HSPA9: variants seen among roughly 807,000 people sequenced by gnomAD.
The protein encoded by HSPA9 is stress-70 protein, mitochondrial.
HSPA9 carries 28 observed loss-of-function variants against 81.5 expected under a neutral mutation model. The ratio of observed to expected loss-of-function variants is 0.34; its 90% CI spans 0.25 to 0.47. The LOEUF (loss-of-function observed/expected upper bound fraction) is 0.47. Among genes scored for constraint, HSPA9 ranks in the 20% least tolerant of loss-of-function variants. HSPA9 has a pLI of 1.00. For missense variants in HSPA9, 678 were observed against 838.0 expected (o/e 0.81, Z 2.36); for synonymous variants, 293 against 290.4 (o/e 1.01, Z -0.09).
intron 3 of HSPA9, among the ~76,000 whole-genome samples, chr5:138,572,137 C>A (rs1366594428): frequency 6.6e-6 from 1 of 151,796 alleles, no homozygotes; most frequent in Non-Finnish European, 1.5e-5. Context: ...TTTGTAGAGA[C>A]AGTGTTTTGC....
Position 138,557,423 on chromosome 5 carries a change from A to G in HSPA9, c.1707T>C (p.Ala569=). 4 of 1,609,152 alleles carry G rather than the reference A, an allele frequency of 2.5e-6. No homozygotes were observed. The highest frequency in any genetic ancestry group is 2.2e-5 in the South Asian group (2 of 90,670). ...TCACCTTCTTTCGCCGGTCTTCTTCAGCATATTTCTCTGCATTTTTAACCA... is the reference window on the plus strand; with the variant it reads ...TCACCTTCTTTCGCCGGTCTTCTTCGGCATATTTCTCTGCATTTTTAACCA... ...ENMVKNAEKY[A]EEDRRKKERV... is the part of the protein sequence containing the mutation. Residue 569 remains alanine (A), a synonymous_variant, in exon 14 of 17, where the codon GCT becomes GCC. Transcript: ENST00000297185.
In HSPA9 at chr5:138,555,960, G is replaced by T; in HGVS notation, c.*77C>A. The stretch of plus-strand genomic sequence containing the variant: ...AAACACAGTAAAAAGACTGAAGTTC[G>T]CCCATTTCTGCTCAGGAAGTCTCTT... On this transcript the variant is annotated 3_prime_UTR_variant, in exon 17 of 17. Transcript: ENST00000297185. 1.0e-6 allele frequency: 1 copy of T among 997,632 alleles called. No individual in the cohort carries two copies. Among genetic ancestry groups the T allele is most frequent in the Non-Finnish European group, 1.6e-6 (1 of 623,028 alleles). The allele number at this position is 997,632 out of a possible 1,614,324, so 61.8% of individuals were successfully genotyped here.
intron 4 of HSPA9, 127 bp from the exon 5 acceptor site, chr5:138,569,176 G>C: frequency 1.2e-6 from 1 of 849,856 alleles, no homozygotes; most frequent in Non-Finnish European, 1.9e-6. Flanking sequence ...ATGACAGTTT[G>C]TGAAATTCTT....
chr5:138,566,982 A>G lies in HSPA9; in HGVS notation c.879+19T>C. 1 of 1,610,782 alleles carries G rather than the reference A, an allele frequency of 6.2e-7. No individual in the cohort carries two copies. Among genetic ancestry groups the G allele is most frequent in the Non-Finnish European group, 8.5e-7 (1 of 1,178,370 alleles). On this transcript the variant is annotated intron_variant, in intron 8 of 16. Transcript: ENST00000297185. ...CTCAATATCCCAACGTCTACATATT[A>G]ACCACATTGGTAACTCACCTCTCTC...
At chr5:138,559,811 T>G in intron 11 of HSPA9, 53 bp downstream of exon 11, 2 of 1,194,102 alleles carry the variant, frequency 1.7e-6, no homozygotes, top group Non-Finnish European at 1.3e-6. Flanking sequence ...TGCAATTACA[T>G]CCGTCATAGA....
At position 138,567,868 on chromosome 5, in the gene HSPA9, T is replaced by G. The variant is rs1052252949; in HGVS notation, c.536-146A>C. The G allele has an allele frequency of 1.3e-5, 9 of 706,876 alleles. No homozygotes were observed. The East Asian group carries it at 2.4e-4, about 19-fold the overall frequency. The allele number at this position is 706,876 out of a possible 1,614,324, so 43.8% of individuals were successfully genotyped here. A position where few individuals can be genotyped will look rare whatever the true frequency, so the allele number is the denominator to read the frequency against. On this transcript the variant is annotated intron_variant, in intron 5 of 16. Coordinates refer to ENST00000297185, the MANE Select transcript of HSPA9 (RefSeq NM_004134.7). ...CCTAATATGTCCTTGCAGGAAACAC[T>G]CCAAGTAAATACACTGGTTAAAAAC...
At chr5:138,573,696 A>C (rs1343127938) in intron 3 of HSPA9, 67 bp downstream of exon 3, 18 of 913,006 alleles carry the variant, frequency 2.0e-5, no homozygotes, top group African/African-American at 4.9e-5. Flanking sequence ...AAATTCCTTA[A>C]CTAAGGAAAA....
chr5:138,563,387 C>T (rs1750697342), intron 9 of HSPA9, among the ~76,000 whole-genome samples: 1 of 152,176 alleles, frequency 6.6e-6, no homozygotes, highest in Non-Finnish European at 1.5e-5. Context: ...ACCTGAAAAT[C>T]TCCAGCACTA....
chr5:138,564,179 C>A (rs1208121842), intron 9 of HSPA9, among the ~76,000 whole-genome samples: 1 of 152,212 alleles, frequency 6.6e-6, no homozygotes, highest in African/African-American at 2.4e-5. Context: ...TCTGGGCTCA[C>A]TGCAACCTCT....
At chr5:138,561,441 G>A in intron 10 of HSPA9, 139 bp downstream of exon 10, 2 of 721,088 alleles carry the variant, frequency 2.8e-6, no homozygotes, top group Non-Finnish European at 2.5e-6. Context: ...AAACAGAAAA[G>A]AATTCTTTAG....
rs199552188 is a variant in HSPA9 at position 138,573,796 on chromosome 5, G to A, written c.195C>T (p.Ser65=). 1.4e-5 allele frequency: 22 copies of A among 1,613,218 alleles called. No homozygotes were observed. The highest frequency in any genetic ancestry group is 1.8e-5 in the Non-Finnish European group (21 of 1,179,386). The change falls in exon 3 of 17, where the codon TCC becomes TCT. Residue 65 remains serine, a synonymous_variant. Transcript: ENST00000297185. Reference sequence around the variant, plus strand: ...GTTTACCTTCCATAACTGCCACGCAGGAGTTGGTAGTACCCAAATCAATAC... The same window carrying A: ...GTTTACCTTCCATAACTGCCACGCAAGAGTTGGTAGTACCCAAATCAATAC... ...VVGIDLGTTN[S]CVAVMEGKQA...
intron 5 of HSPA9, 113 bp from the exon 6 acceptor site, chr5:138,567,835 G>C: frequency 1.3e-6 from 1 of 793,098 alleles, no homozygotes; most frequent in South Asian, 1.5e-5. Context: ...CAGTCTTTTG[G>C]TAAGTGACCT....
intron 1 of HSPA9, chr5:138,575,028 G>A (rs961240730): frequency 3.6e-5 from 22 of 602,814 alleles, no homozygotes; most frequent in Admixed American, 1.5e-4. Flanking sequence ...AGATCGCGAG[G>A]GGTGTGACTC....
intron 10 of HSPA9, among the ~76,000 whole-genome samples, chr5:138,560,499 T>C (rs942376139): frequency 6.6e-6 from 1 of 152,336 alleles, no homozygotes; most frequent in Non-Finnish European, 1.5e-5. Flanking sequence ...TGGGGCATGG[T>C]CTTCCCTTGT....
intron 9 of HSPA9, 82 bp downstream of exon 9, chr5:138,566,544 G>T: frequency 9.9e-7 from 1 of 1,010,190 alleles, no homozygotes; most frequent in Non-Finnish European, 1.6e-6. Flanking sequence ...CTGACATTAG[G>T]CCAATTAGAA....
chr5:138,563,579 C>G (rs745619258), intron 9 of HSPA9, among the ~76,000 whole-genome samples: 6 of 152,216 alleles, frequency 3.9e-5, no homozygotes, highest in Non-Finnish European at 7.3e-5. Flanking sequence ...ATTCTCCACT[C>G]TACTCCAGCC....
At chr5:138,557,518 T>A in intron 13 of HSPA9, 22 bp from the exon 14 acceptor site, 1 of 1,436,016 alleles carries the variant, frequency 7.0e-7, no homozygotes, top group Non-Finnish European at 9.8e-7. Context: ...AGAAGGCATT[T>A]CATTAATTCC....
At chr5:138,574,232 C>G (rs1270222485) in intron 1 of HSPA9, 106 bp from the exon 2 acceptor site, 1 of 772,418 alleles carries the variant, frequency 1.3e-6, no homozygotes, top group Non-Finnish European at 2.3e-6. Flanking sequence ...GCTACTAAAA[C>G]AGTAAATATT....
intron 1 of HSPA9, chr5:138,575,015 T>A (rs1015400407): frequency 1.7e-6 from 1 of 598,002 alleles, no homozygotes; most frequent in Non-Finnish European, 3.0e-6. Flanking sequence ...GAAATGACAC[T>A]CTAGATCGCG....
Sources: allele counts gnomAD v4.1 joint callset (sites outside exome capture counted in the v4.1 genomes callset), GRCh38; gene constraint gnomAD v4.1.1; transcripts MANE v1.5; gene names NCBI Gene and HGNC (gene_info 2026-07-23, HGNC 2026-07-21).